ZSWIM5: variants seen among roughly 807,000 people sequenced by gnomAD.
ZSWIM5 encodes the protein zinc finger SWIM-type containing 5.
In ZSWIM5, 55 loss-of-function variants were observed where a neutral mutation model predicts 119.6. The observed-to-expected ratio is 0.46, with a 90% CI of 0.37 to 0.58. The LOEUF (loss-of-function observed/expected upper bound fraction) is 0.58, where lower values mean the gene tolerates loss of function less well. Among genes scored for constraint, ZSWIM5 ranks in the 20% least tolerant of loss-of-function variants. The pLI, the probability that ZSWIM5 is intolerant of heterozygous loss-of-function variation, is 0.00. For synonymous variants in ZSWIM5, 537 were observed against 606.9 expected (o/e 0.88, Z 1.69); for missense variants, 1,193 against 1,512.8 (o/e 0.79, Z 3.51).
intron 5 of ZSWIM5, among the ~76,000 whole-genome samples, chr1:45,046,890 G>C (rs1017418158): frequency 2.0e-5 from 3 of 151,870 alleles, no homozygotes; most frequent in Admixed American, 2.0e-4. Context: ...CAGGCGTGGT[G>C]GTGGGCACCT....
chr1:45,146,210 C>T (rs1645758590), intron 1 of ZSWIM5, among the ~76,000 whole-genome samples: 2 of 151,912 alleles, frequency 1.3e-5, no homozygotes, highest in South Asian at 4.2e-4. Flanking sequence ...ATATTTTTTA[C>T]TAAGAAATAA....
In ZSWIM5 at chr1:45,057,946, A is replaced by C. The variant is rs536730015; in HGVS notation, c.1252+663T>G. Among the ~76,000 whole-genome samples the C allele has an allele frequency of 6.6e-6, 1 of 152,226 alleles. No individual in the cohort carries two copies. ...GTCACTGGATGTAGGGAATGAAAGAAAAATGAGTGCTTAGCAATAAGTTTG... is the reference window on the plus strand; with the variant it reads ...GTCACTGGATGTAGGGAATGAAAGACAAATGAGTGCTTAGCAATAAGTTTG... On this transcript the variant is annotated intron_variant, in intron 4 of 13. Transcript: ENST00000359600. The surrounding 1 kb of genome is among the most constrained non-coding windows in gnomAD (Gnocchi z 4.7).
intron 1 of ZSWIM5, among the ~76,000 whole-genome samples, chr1:45,117,397 G>A (rs752622440): frequency 6.6e-6 from 1 of 152,140 alleles, no homozygotes; most frequent in East Asian, 1.9e-4. Flanking sequence ...CAGGGAGGCC[G>A]GTCACAGTGG....
chr1:45,175,145 G>A lies in ZSWIM5; in HGVS notation c.595+30611C>T, dbSNP rs74824496. 3.6e-3 allele frequency among the ~76,000 whole-genome samples: 544 copies of A among 152,188 alleles called. 5 individuals carry two copies. Among genetic ancestry groups the A allele is most frequent in the East Asian group, 0.016 (81 of 5,180 alleles). On this transcript the variant is annotated intron_variant, in intron 1 of 13. Transcript: ENST00000359600. ...CTTCTGATACTTACGAAGACTTCAG[G>A]CTAGCTATTTTGAAGAATGTCCCTC...
At chr1:45,079,638 G>A (rs1028873573) in intron 2 of ZSWIM5, among the ~76,000 whole-genome samples, 1 of 152,162 alleles carries the variant, frequency 6.6e-6, no homozygotes, top group African/African-American at 2.4e-5. Flanking sequence ...TACCTAAGGT[G>A]CAAGACAAAG....
At chr1:45,132,625 T>G (rs938680078) in intron 1 of ZSWIM5, among the ~76,000 whole-genome samples, 5 of 152,074 alleles carry the variant, frequency 3.3e-5, no homozygotes, top group African/African-American at 1.2e-4. Context: ...TCTTTTTTTT[T>G]ATTATACTTT....
intron 1 of ZSWIM5, among the ~76,000 whole-genome samples, chr1:45,160,584 C>A (rs1279777576): frequency 6.6e-6 from 1 of 151,846 alleles, no homozygotes; most frequent in African/African-American, 2.4e-5. Flanking sequence ...CAGCTGCACC[C>A]ATGTTGCTGC....
intron 1 of ZSWIM5, among the ~76,000 whole-genome samples, chr1:45,161,006 T>A (rs1052148138): frequency 1.3e-5 from 2 of 149,782 alleles, no homozygotes; most frequent in African/African-American, 4.9e-5. Context: ...TTTTTTTTTT[T>A]AGTAGAGACG....
At chr1:45,107,387 C>A (rs1018892504) in intron 1 of ZSWIM5, among the ~76,000 whole-genome samples, 7 of 151,752 alleles carry the variant, frequency 4.6e-5, no homozygotes, top group African/African-American at 1.7e-4. Flanking sequence ...ACCTGTAATC[C>A]CAGTACTTTG....
chr1:45,183,903 G>A (rs908941368), intron 1 of ZSWIM5, among the ~76,000 whole-genome samples: 2 of 152,142 alleles, frequency 1.3e-5, no homozygotes, highest in Admixed American at 6.5e-5. Context: ...ATTTTATGAG[G>A]CCAGCATCAT....
In ZSWIM5 at chr1:45,020,798, T is replaced by C. The variant is rs974002280; in HGVS notation, c.2450-10A>G. 1 of 1,612,538 alleles carries C rather than the reference T, an allele frequency of 6.2e-7. No individual in the cohort carries two copies. ...AGTCTCAAAGTGTCTCCTATAGGTG[T>C]CAAGAGAAGGGGCAGGGTCTATTTT... On this transcript the variant is annotated splice_polypyrimidine_tract_variant and intron_variant, in intron 11 of 13. Transcript: ENST00000359600.
intron 2 of ZSWIM5, among the ~76,000 whole-genome samples, chr1:45,082,425 T>C (rs1343656475): frequency 6.6e-6 from 1 of 152,210 alleles, no homozygotes; most frequent in African/African-American, 2.4e-5. Flanking sequence ...TCTCCTCTTT[T>C]GTTCTCTAAT....
At chr1:45,178,112 G>A (rs920225316) in intron 1 of ZSWIM5, among the ~76,000 whole-genome samples, 7 of 152,020 alleles carry the variant, frequency 4.6e-5, no homozygotes, top group African/African-American at 7.2e-5. Context: ...CGGATAGCAA[G>A]GGACAACTGT....
At chr1:45,142,936 C>T (rs1231062415) in intron 1 of ZSWIM5, among the ~76,000 whole-genome samples, 4 of 150,010 alleles carry the variant, frequency 2.7e-5, no homozygotes, top group Non-Finnish European at 4.4e-5. Context: ...TTTGGGAGGC[C>T]GAGGTGAGCG....
chr1:45,129,963 T>C (rs1645645159), intron 1 of ZSWIM5, among the ~76,000 whole-genome samples: 1 of 152,100 alleles, frequency 6.6e-6, no homozygotes, highest in African/African-American at 2.4e-5. Context: ...AGCAGTGTGA[T>C]CTCAGCTCAC....
intron 1 of ZSWIM5, among the ~76,000 whole-genome samples, chr1:45,200,581 C>A (rs751389188): frequency 2.6e-5 from 4 of 151,922 alleles, no homozygotes; most frequent in Non-Finnish European, 5.9e-5. Context: ...TGAAAAAAAA[C>A]CCACAGTAAT....
intron 1 of ZSWIM5, among the ~76,000 whole-genome samples, chr1:45,135,975 C>T (rs1469861378): frequency 6.6e-6 from 1 of 152,078 alleles, no homozygotes; most frequent in Non-Finnish European, 1.5e-5. Context: ...ATCCTCTCAC[C>T]TCAGTCTCCC....
At chr1:45,093,367 G>A (rs1645379136) in intron 1 of ZSWIM5, among the ~76,000 whole-genome samples, 2 of 152,206 alleles carry the variant, frequency 1.3e-5, no homozygotes. Flanking sequence ...TTAGATTCCA[G>A]TTGTCTTCAA....
rs77616762 is a variant in ZSWIM5 at position 45,058,639 on chromosome 1, C to T, written c.1222G>A (p.Asp408Asn). 2.2e-3 allele frequency: 3,556 copies of T among 1,614,248 alleles called. 18 individuals carry two copies. Among genetic ancestry groups the T allele is most frequent in the South Asian group, 0.01 (936 of 91,084 alleles). ...LWRQQGTNMT[D>N]KCRQLWDELG... is the part of the protein sequence containing the mutation. ...TCATCCCAGAGCTGCCTGCACTTGT[C>T]TGTCATGTTTGTTCCTTGCTGCCTC... is the stretch of plus-strand genomic sequence containing the variant. The change falls in exon 4 of 14, where the codon GAC becomes AAC. Residue 408 changes from aspartate (D) to asparagine (N), a missense_variant. By Grantham distance (23) the Asp-to-Asn change is conservative. This residue lies in a region of ZSWIM5 where 961 missense variants were observed against 1,290.0 expected (regional missense o/e 0.74). Coordinates refer to ENST00000359600, the MANE Select transcript of ZSWIM5 (RefSeq NM_020883.2).
Sources: gnomAD v4.1 joint callset for allele counts (sites outside exome capture counted in the v4.1 genomes callset) on GRCh38, gnomAD v4.1.1 for gene constraint, gnomAD v4.1.1 regional missense constraint, Gnocchi (gnomAD v3.1) non-coding constraint, MANE v1.5 for transcripts, NCBI Gene and HGNC (gene_info 2026-07-23, HGNC 2026-07-21) for gene names.